Variants in KCNQ3 observed in about 807,000 individuals in gnomAD.
KCNQ3 encodes the protein potassium voltage-gated channel subfamily KQT member 3.
Under a neutral mutation model 92.5 loss-of-function variants are expected in KCNQ3, and 30 were observed. The observed-to-expected ratio is 0.32, with a 90% CI of 0.24 to 0.44. KCNQ3 has a LOEUF of 0.44. Ranked by LOEUF, KCNQ3 falls within the 20% of genes least tolerant of loss-of-function variation. The pLI is 1.00. For synonymous variants in KCNQ3, 450 were observed against 468.8 expected (o/e 0.96, Z 0.52); for missense variants, 913 against 1,140.3 (o/e 0.80, Z 2.87).
At chr8:132,350,550 C>A (rs544586547) in intron 1 of KCNQ3, among the ~76,000 whole-genome samples, 2 of 152,304 alleles carry the variant, frequency 1.3e-5, no homozygotes, top group South Asian at 4.1e-4. Context: ...GTGGGCACTA[C>A]AACATCCTAC....
chr8:132,473,847 T>C (rs1201271786), intron 1 of KCNQ3, among the ~76,000 whole-genome samples: 1 of 152,182 alleles, frequency 6.6e-6, no homozygotes, highest in Admixed American at 6.5e-5. Context: ...AGACAATAGA[T>C]CTTCTTGTCA....
chr8:132,437,898 A>G (rs568984992), intron 1 of KCNQ3, among the ~76,000 whole-genome samples: 4 of 152,358 alleles, frequency 2.6e-5, no homozygotes, highest in Admixed American at 1.3e-4. Context: ...TTGTAAGAAC[A>G]TTGCCCCAGG....
intron 8 of KCNQ3, among the ~76,000 whole-genome samples, chr8:132,169,866 AT>A: frequency 6.6e-6 from 1 of 150,800 alleles, no homozygotes; most frequent in East Asian, 1.9e-4. Flanking sequence ...CTTTATTTTT[AT>A]TTTTATTTTT....
At chr8:132,147,696 G>A (rs1048373114) in intron 9 of KCNQ3, among the ~76,000 whole-genome samples, 13 of 152,090 alleles carry the variant, frequency 8.5e-5, no homozygotes, top group Non-Finnish European at 1.5e-5. Context: ...TATGGATGAC[G>A]GATGAATGGA....
intron 1 of KCNQ3, among the ~76,000 whole-genome samples, chr8:132,385,762 G>C (rs78083293): frequency 3.2e-3 from 485 of 152,252 alleles, no homozygotes; most frequent in Non-Finnish European, 4.7e-3. Context: ...GTTACAGTTA[G>C]AAGGAGGTGT....
chr8:132,259,240 A>G (rs1221309971), intron 1 of KCNQ3, among the ~76,000 whole-genome samples: 1 of 152,106 alleles, frequency 6.6e-6, no homozygotes, highest in African/African-American at 2.4e-5. Context: ...GAATATAGAT[A>G]CAAAATGCCT....
chr8:132,294,086 C>T (rs1268571106), intron 1 of KCNQ3, among the ~76,000 whole-genome samples: 3 of 151,202 alleles, frequency 2.0e-5, no homozygotes, highest in Non-Finnish European at 4.4e-5. Flanking sequence ...CTGCAACCTC[C>T]GCCTCCCGGG....
At chr8:132,289,617 A>C (rs1816784531) in intron 1 of KCNQ3, among the ~76,000 whole-genome samples, 1 of 152,212 alleles carries the variant, frequency 6.6e-6, no homozygotes, top group Non-Finnish European at 1.5e-5. Flanking sequence ...AATCTGAGAT[A>C]ATCCTCCCAT....
intron 4 of KCNQ3, among the ~76,000 whole-genome samples, chr8:132,177,787 A>G (rs1174087116): frequency 6.6e-6 from 1 of 152,246 alleles, no homozygotes; most frequent in Non-Finnish European, 1.5e-5. Context: ...AAATGAATGA[A>G]GAAATGAATT....
chr8:132,385,195 A>G (rs1162376490), intron 1 of KCNQ3, among the ~76,000 whole-genome samples: 2 of 152,262 alleles, frequency 1.3e-5, no homozygotes, highest in African/African-American at 4.8e-5. Context: ...TCCCAGCTTC[A>G]GAGATTGCGT....
At chr8:132,213,399 T>G (rs1813925357) in intron 1 of KCNQ3, among the ~76,000 whole-genome samples, 1 of 152,232 alleles carries the variant, frequency 6.6e-6, no homozygotes, top group African/African-American at 2.4e-5. Flanking sequence ...AAAAGGATTC[T>G]GGCTTAGACT....
At chr8:132,266,894 T>C (rs1026862750) in intron 1 of KCNQ3, among the ~76,000 whole-genome samples, 1 of 152,132 alleles carries the variant, frequency 6.6e-6, no homozygotes, top group Admixed American at 6.5e-5. Flanking sequence ...CACCATACGG[T>C]GTAAAGACTC....
At chr8:132,295,432 G>A (rs1053657015) in intron 1 of KCNQ3, among the ~76,000 whole-genome samples, 3 of 152,212 alleles carry the variant, frequency 2.0e-5, no homozygotes, top group African/African-American at 7.2e-5. Flanking sequence ...TACACTGTTG[G>A]TGGGAAAGTT....
chr8:132,175,969 T>C lies in KCNQ3; in HGVS notation c.778-361A>G, dbSNP rs564518668. Among the ~76,000 whole-genome samples, 4 of 152,298 alleles carry C rather than the reference T, an allele frequency of 2.6e-5. No individual in the cohort carries two copies. In the East Asian group the frequency reaches 7.7e-4, roughly 29 times the overall value. On this transcript the variant is annotated intron_variant, in intron 4 of 14. Transcript: ENST00000388996. ...CAGGAGACTTGGGTCTATGCAGGAC[T>C]GCGTAGAGCAAGGAGAAAGCTCGGT...
chr8:132,262,193 G>C (rs1815810279), intron 1 of KCNQ3, among the ~76,000 whole-genome samples: 1 of 152,176 alleles, frequency 6.6e-6, no homozygotes, highest in Non-Finnish European at 1.5e-5. Context: ...GAGACCAAAA[G>C]TAGATTAGAG....
chr8:132,279,728 G>A (rs1329862376), intron 1 of KCNQ3, among the ~76,000 whole-genome samples: 2 of 152,140 alleles, frequency 1.3e-5, no homozygotes, highest in Non-Finnish European at 2.9e-5. Context: ...ACATACATAT[G>A]CATGTAAACA....
chr8:132,396,418 G>A (rs1404443858), intron 1 of KCNQ3, among the ~76,000 whole-genome samples: 2 of 150,140 alleles, frequency 1.3e-5, no homozygotes, highest in African/African-American at 4.9e-5. Flanking sequence ...CCATGAACTT[G>A]GTAACAGGAA....
At chr8:132,434,426 G>A (rs1158980937) in intron 1 of KCNQ3, among the ~76,000 whole-genome samples, 1 of 152,072 alleles carries the variant, frequency 6.6e-6, no homozygotes, top group Non-Finnish European at 1.5e-5. Flanking sequence ...TGAATGAAGA[G>A]GTTATTTTTT....
intron 1 of KCNQ3, among the ~76,000 whole-genome samples, chr8:132,429,955 G>C (rs926575572): frequency 5.3e-5 from 8 of 151,152 alleles, no homozygotes; most frequent in Admixed American, 1.3e-4. Context: ...CCAGAATCAA[G>C]TGCTCTAGTT....
Sources: gnomAD v4.1 joint callset for allele counts (sites outside exome capture counted in the v4.1 genomes callset) on GRCh38, gnomAD v4.1.1 for gene constraint, MANE v1.5 for transcripts, NCBI Gene and HGNC (gene_info 2026-07-23, HGNC 2026-07-21) for gene names.